Variants in KIFBP observed in about 807,000 individuals in gnomAD.
KIFBP encodes kinesin family binding protein, also known as KIF-binding protein.
KIFBP carries 46 observed loss-of-function variants against 58.9 expected under a neutral mutation model. The ratio of observed to expected loss-of-function variants is 0.78; its 90% CI spans 0.62 to 1.00. KIFBP has a LOEUF of 1.00. Ranked by LOEUF, KIFBP falls within the 50% of genes least tolerant of loss-of-function variation. The probability of loss-of-function intolerance (pLI) is 0.00; values close to 1 mark genes in which losing one functional copy is unlikely to be tolerated. For missense variants in KIFBP, 651 were observed against 752.9 expected, an observed-to-expected ratio of 0.86 and a Z score of 1.58; for synonymous variants, 241 against 283.4, an observed-to-expected ratio of 0.85 and a Z score of 1.50.
At position 69,008,907 on chromosome 10, in the gene KIFBP, A is replaced by G. The variant is rs1376167494; in HGVS notation, c.856A>G (p.Ile286Val). ...TGTCATTTTTGGTCAAACTGGAAAG[A>G]TCTCAGCCACAGAAGACAGTAAGTT... is the stretch of plus-strand genomic sequence containing the variant. ...ANVIFGQTGK[I>V]SATEDTPEAE... The change falls in exon 5 of 7, where the codon ATC becomes GTC. Residue 286 changes from isoleucine to valine, a missense_variant. Physicochemically the swap from Ile to Val is conservative, Grantham distance 29. Transcript: ENST00000361983. 2 of 1,613,190 alleles carry G rather than the reference A, an allele frequency of 1.2e-6. No homozygotes were observed. The highest frequency in any genetic ancestry group is 1.7e-6 in the Non-Finnish European group (2 of 1,179,358).
At chr10:69,003,904 C>G (rs564619219) in intron 2 of KIFBP, among the ~76,000 whole-genome samples, 1 of 152,174 alleles carries the variant, frequency 6.6e-6, no homozygotes, top group Admixed American at 6.6e-5. Flanking sequence ...AGCCCTTTTA[C>G]CAGACAAAAT....
At chr10:69,015,194 G>A (rs1243377698) in intron 6 of KIFBP, among the ~76,000 whole-genome samples, 1 of 152,062 alleles carries the variant, frequency 6.6e-6, no homozygotes, top group African/African-American at 2.4e-5. Context: ...AGTGCTGGGA[G>A]TAATGTATCA....
At chr10:69,004,690 C>T (rs1017534194) in intron 2 of KIFBP, among the ~76,000 whole-genome samples, 3 of 152,026 alleles carry the variant, frequency 2.0e-5, no homozygotes, top group South Asian at 2.1e-4. Flanking sequence ...ATAGCGAAAC[C>T]CTGTCTCTAC....
chr10:69,013,575 A>G (rs1205766477), intron 6 of KIFBP, among the ~76,000 whole-genome samples: 1 of 152,148 alleles, frequency 6.6e-6, no homozygotes, highest in Non-Finnish European at 1.5e-5. Context: ...AAGGAAGTAT[A>G]CAAGATTTAG....
intron 5 of KIFBP, among the ~76,000 whole-genome samples, chr10:69,010,381 T>C (rs1434408112): frequency 1.3e-5 from 2 of 152,174 alleles, no homozygotes; most frequent in East Asian, 3.8e-4. Flanking sequence ...AAAAAATGTG[T>C]GTATGTGTAT....
At chr10:69,009,028 GC>G in intron 5 of KIFBP, 103 bp downstream of exon 5, 2 of 885,520 alleles carry the variant, frequency 2.3e-6, no homozygotes, top group Non-Finnish European at 3.7e-6. Context: ...GCTATCATAT[GC>G]CCTTCTAAAT....
intron 1 of KIFBP, chr10:68,989,590 A>G: frequency 2.3e-6 from 1 of 426,852 alleles, no homozygotes; most frequent in Non-Finnish European, 4.2e-6. Context: ...TTTCCTCTCC[A>G]CCAGTCCAAC....
chr10:69,000,543 G>A (rs758687279), intron 2 of KIFBP, 21 bp downstream of exon 2: 2 of 1,416,576 alleles, frequency 1.4e-6, no homozygotes, highest in South Asian at 2.3e-5. Flanking sequence ...TGTCAGATGA[G>A]TTTTAAGTTT....
rs770269897 is a variant in KIFBP, at chr10:69,016,268, T to G, written c.1718T>G (p.Leu573Trp). ...KKELENLATS[L>W]EHYKFIVDYC... Reference sequence around the variant, plus strand: ...GAGCTGGAAAATTTGGCAACATCATTGGAACATTACAAATTTATTGTTGAT... The same window carrying G: ...GAGCTGGAAAATTTGGCAACATCATGGGAACATTACAAATTTATTGTTGAT... The change falls in exon 7 of 7, where the codon TTG (leucine) becomes TGG (tryptophan). Residue 573 changes from leucine to tryptophan, a missense_variant. Leu to Trp is a moderately conservative substitution (Grantham distance 61). Transcript: ENST00000361983. 1.9e-6 allele frequency: 3 copies of G among 1,602,332 alleles called. No individual in the cohort carries two copies. In the East Asian group the frequency reaches 6.7e-5, roughly 36 times the overall value.
At chr10:69,011,065 A>G in intron 6 of KIFBP, 50 bp downstream of exon 6, 2 of 1,257,876 alleles carry the variant, frequency 1.6e-6, no homozygotes, top group Non-Finnish European at 2.3e-6. Flanking sequence ...GGAAATTGTA[A>G]GTAAAAACTC....
Position 69,016,664 on chromosome 10 carries a change from A to ATG in KIFBP, c.*248_*249insTG. On this transcript the variant is annotated 3_prime_UTR_variant, in exon 7 of 7. Transcript: ENST00000361983. ...ATTTTAGATGCTTGTTTCCTATTAAAATACAGACATTTCTACCCTCAGTTT... is the reference window on the plus strand; with the variant it reads ...ATTTTAGATGCTTGTTTCCTATTAAATGATACAGACATTTCTACCCTCAGTTT... 2.1e-6 allele frequency: 1 copy of ATG among 469,458 alleles called. No homozygotes were observed. The highest frequency in any genetic ancestry group is 3.8e-6 in the Non-Finnish European group (1 of 262,522). The allele number at this position is 469,458 out of a possible 1,614,324, so 29.1% of individuals were successfully genotyped here.
At chr10:69,008,758 C>T (rs1346814623) in intron 4 of KIFBP, 83 bp from the exon 5 acceptor site, 1 of 1,067,068 alleles carries the variant, frequency 9.4e-7, no homozygotes, top group Non-Finnish European at 1.5e-6. Flanking sequence ...TACCTTTTCC[C>T]ATATTAAAAG....
At position 69,016,780 on chromosome 10, in the gene KIFBP, T is replaced by C. The variant is rs1220709660; in HGVS notation, c.*364T>C. The stretch of plus-strand genomic sequence containing the variant: ...GTACCTGGTAACAAGCCTGTTAATA[T>C]ATTAAGATTGAAAAAGTAACTTCTA... On this transcript the variant is annotated 3_prime_UTR_variant, in exon 7 of 7. Coordinates refer to ENST00000361983, the MANE Select transcript of KIFBP (RefSeq NM_015634.4). 1 of 181,698 alleles carries C rather than the reference T, an allele frequency of 5.5e-6. No homozygotes were observed. Among genetic ancestry groups the C allele is most frequent in the Non-Finnish European group, 1.2e-5 (1 of 86,180 alleles). The allele number at this position is 181,698 out of a possible 1,614,324, so 11.3% of individuals were successfully genotyped here.
intron 1 of KIFBP, chr10:68,989,460 C>T: frequency 1.6e-6 from 1 of 620,188 alleles, no homozygotes; most frequent in South Asian, 1.9e-5. Flanking sequence ...AGATCTCCCA[C>T]AGTCGGCCGT....
At chr10:68,992,281 A>G (rs753099646) in intron 1 of KIFBP, among the ~76,000 whole-genome samples, 5 of 152,144 alleles carry the variant, frequency 3.3e-5, no homozygotes, top group Non-Finnish European at 5.9e-5. Flanking sequence ...AGTATAAGCC[A>G]CTGTGTCTGG....
At chr10:69,014,506 G>A (rs1385084938) in intron 6 of KIFBP, among the ~76,000 whole-genome samples, 1 of 152,176 alleles carries the variant, frequency 6.6e-6, no homozygotes, top group South Asian at 2.1e-4. Context: ...GTTAGAGTTA[G>A]AAAGGGGCTG....
At chr10:69,002,349 G>A (rs984835459) in intron 2 of KIFBP, among the ~76,000 whole-genome samples, 9 of 151,664 alleles carry the variant, frequency 5.9e-5, no homozygotes, top group Non-Finnish European at 8.8e-5. Context: ...TATAGAGACC[G>A]GGTTTCACCA....
At chr10:69,011,549 AT>A (rs1437267516) in intron 6 of KIFBP, among the ~76,000 whole-genome samples, 1 of 151,440 alleles carries the variant, frequency 6.6e-6, no homozygotes, top group Non-Finnish European at 1.5e-5. Flanking sequence ...TATCCAGTTA[AT>A]TTTTAAATTA....
rs774544412 is a variant in KIFBP at position 69,005,819 on chromosome 10, C to T, written c.693C>T (p.Cys231=). The T allele has an allele frequency of 2.5e-6, 4 of 1,613,922 alleles. No homozygotes were observed. Among genetic ancestry groups the T allele is most frequent in the Non-Finnish European group, 3.4e-6 (4 of 1,179,928 alleles). ...TGTTTGAGAAGGCTGCTCACTATTGCCATAGTACACTAAAACGCCAGCTTG... is the reference window on the plus strand; with the variant it reads ...TGTTTGAGAAGGCTGCTCACTATTGTCATAGTACACTAAAACGCCAGCTTG... ...LEMFEKAAHY[C]HSTLKRQLEH... The change falls in exon 4 of 7, where the codon TGC becomes TGT. Residue 231 remains cysteine, a synonymous_variant. Coordinates refer to ENST00000361983, the MANE Select transcript of KIFBP (RefSeq NM_015634.4).
Sources: gnomAD v4.1 joint callset for allele counts (sites outside exome capture counted in the v4.1 genomes callset) on GRCh38, gnomAD v4.1.1 for gene constraint, MANE v1.5 for transcripts, NCBI Gene and HGNC (gene_info 2026-07-23, HGNC 2026-07-21) for gene names.